BCL2L1: variants seen among roughly 807,000 people sequenced by gnomAD.
The protein encoded by BCL2L1 is BCL2 like 1, also known as bcl-2-like protein 1.
Under a neutral mutation model 18.7 loss-of-function variants are expected in BCL2L1, and 1 was observed. The observed-to-expected ratio is 0.05, with a 90% confidence interval of 0.02 to 0.25. The LOEUF (loss-of-function observed/expected upper bound fraction) is 0.25. Among genes scored for constraint, BCL2L1 ranks in the 10% least tolerant of loss-of-function variants. The pLI is 1.00. For synonymous variants in BCL2L1, 103 were observed against 122.7 expected (o/e 0.84, Z 1.06); for missense variants, 207 against 304.9 (o/e 0.68, Z 2.39).
chr20:31,670,942 T>C (rs1230438549), intron 2 of BCL2L1, among the ~76,000 whole-genome samples: 2 of 152,156 alleles, frequency 1.3e-5, no homozygotes, highest in Non-Finnish European at 2.9e-5. Flanking sequence ...CTACTGCACC[T>C]TGGGTGGCTC....
intron 2 of BCL2L1, among the ~76,000 whole-genome samples, chr20:31,697,680 G>T (rs2061198338): frequency 6.6e-6 from 1 of 151,984 alleles, no homozygotes; most frequent in African/African-American, 2.4e-5. Flanking sequence ...CTCATGATCT[G>T]CCCACCTCAT....
chr20:31,672,970 G>T (rs1344993375), intron 2 of BCL2L1, among the ~76,000 whole-genome samples: 1 of 151,710 alleles, frequency 6.6e-6, no homozygotes, highest in Non-Finnish European at 1.5e-5. Context: ...AAAGTACTGG[G>T]ATTATAGGCA....
chr20:31,693,480 G>C (rs2061117654), intron 2 of BCL2L1, among the ~76,000 whole-genome samples: 1 of 151,988 alleles, frequency 6.6e-6, no homozygotes, highest in Non-Finnish European at 1.5e-5. Context: ...ATGGATGGTG[G>C]GGTAGCTGTG....
intron 2 of BCL2L1, among the ~76,000 whole-genome samples, chr20:31,683,769 C>CAAAAAAAAAAAA (rs372160646): frequency 1.2e-5 from 1 of 80,716 alleles, no homozygotes; most frequent in Non-Finnish European, 2.9e-5. Flanking sequence ...AACTCCATCT[C>CAAAAAAAAAAAA]AAAAAAAAAA....
At chr20:31,720,409 T>C in intron 2 of BCL2L1, 1 of 552,288 alleles carries the variant, frequency 1.8e-6, no homozygotes, top group Non-Finnish European at 2.3e-6. Context: ...TTGATGCTTT[T>C]CTGCATACTC....
chr20:31,674,949 A>G (rs1168771576), intron 2 of BCL2L1, among the ~76,000 whole-genome samples: 1 of 151,502 alleles, frequency 6.6e-6, no homozygotes, highest in Non-Finnish European at 1.5e-5. Flanking sequence ...ATTCTGAGCC[A>G]GGGCCATGGC....
intron 2 of BCL2L1, among the ~76,000 whole-genome samples, chr20:31,681,275 C>T (rs1049161060): frequency 1.3e-5 from 2 of 151,312 alleles, no homozygotes; most frequent in Admixed American, 1.3e-4. Context: ...GTGAGATAAT[C>T]AGGAAAATAT....
rs916559484 is a variant in BCL2L1, at chr20:31,713,353, G to A, written c.564+8302C>T. 3 of 985,236 alleles carry A rather than the reference G, an allele frequency of 3.0e-6. No homozygotes were observed. The African/African-American group carries it at 5.2e-5, about 17-fold the overall frequency. The allele number at this position is 985,236 out of a possible 1,614,324, so 61.0% of individuals were successfully genotyped here. A position where few individuals can be genotyped will look rare whatever the true frequency, so the allele number is the denominator to read the frequency against. ...AAGGGTAGGGAGCAAAGAAAGTAAT[G>A]GACAAGAGGAAAGGCAGGGACACGT... On this transcript the variant is annotated intron_variant, in intron 2 of 2. Transcript: ENST00000307677.
chr20:31,695,458 G>A (rs1313666736), intron 2 of BCL2L1, among the ~76,000 whole-genome samples: 2 of 152,084 alleles, frequency 1.3e-5, no homozygotes, highest in Non-Finnish European at 2.9e-5. Context: ...GTCTTTTTTT[G>A]TACTTGCTTT....
chr20:31,723,956 G>T (rs1481759926), upstream of BCL2L1: 1 of 985,338 alleles, frequency 1.0e-6, no homozygotes, highest in Non-Finnish European at 1.2e-6. Context: ...CACTTCCGGT[G>T]CCGCGGCAAC....
intron 2 of BCL2L1, among the ~76,000 whole-genome samples, chr20:31,697,892 G>GTTTTTTTTTTTTTGTTAGTTTT (rs1319361227): frequency 7.7e-6 from 1 of 129,640 alleles, no homozygotes; most frequent in African/African-American, 3.3e-5. Context: ...TGCTGTTGCT[G>GTTTTTTTTTTTTTGTTAGTTTT]TTTTTTTTTT....
At chr20:31,668,874 G>C (rs2060626624) in intron 2 of BCL2L1, among the ~76,000 whole-genome samples, 1 of 151,916 alleles carries the variant, frequency 6.6e-6, no homozygotes, top group African/African-American at 2.4e-5. Flanking sequence ...CAAAGTGCTG[G>C]GATTACAGGC....
chr20:31,681,187 A>G (rs2060854174), intron 2 of BCL2L1, among the ~76,000 whole-genome samples: 4 of 152,212 alleles, frequency 2.6e-5, no homozygotes. Context: ...TAGGGTTTTG[A>G]GCAGGGGAAG....
intron 2 of BCL2L1, among the ~76,000 whole-genome samples, chr20:31,676,807 C>T (rs1209887204): frequency 2.0e-5 from 3 of 152,130 alleles, no homozygotes; most frequent in African/African-American, 2.4e-5. Context: ...GTAGTCATCT[C>T]GAGGGCATTC....
chr20:31,719,279 TC>T (rs2061586459), intron 2 of BCL2L1, among the ~76,000 whole-genome samples: 1 of 152,096 alleles, frequency 6.6e-6, no homozygotes, highest in Admixed American at 6.5e-5. Context: ...CTAATTTCCT[TC>T]CCCTTTCCTG....
chr20:31,668,840 G>A (rs976871269), intron 2 of BCL2L1, among the ~76,000 whole-genome samples: 6 of 148,718 alleles, frequency 4.0e-5, no homozygotes, highest in African/African-American at 1.5e-4. Context: ...CCTGACCTCA[G>A]GTGATCTGCT....
At position 31,722,249 on chromosome 20, in the gene BCL2L1, A is replaced by T; in HGVS notation, c.-31T>A. 1 of 1,446,194 alleles carries T rather than the reference A, an allele frequency of 6.9e-7. No individual in the cohort carries two copies. Among genetic ancestry groups the T allele is most frequent in the Non-Finnish European group, 9.2e-7 (1 of 1,092,826 alleles). 89.6% of individuals were successfully genotyped at this position (1,446,194 alleles called of 1,614,324 possible). A position where few individuals can be genotyped will look rare whatever the true frequency, so the allele number is the denominator to read the frequency against. On this transcript the variant is annotated 5_prime_UTR_variant, in exon 2 of 3. The change abolishes an upstream ATG in the 5' untranslated region. Coordinates refer to ENST00000307677, the MANE Select transcript of BCL2L1 (RefSeq NM_138578.3). ...TAATAGGGATGGGCTCAACCAGTCC[A>T]TTGTCCAAAACACCTGCTCACTCAC... is the stretch of plus-strand genomic sequence containing the variant.
chr20:31,668,873 G>A (rs1253104763), intron 2 of BCL2L1, among the ~76,000 whole-genome samples: 1 of 151,982 alleles, frequency 6.6e-6, no homozygotes, highest in Non-Finnish European at 1.5e-5. Flanking sequence ...CCAAAGTGCT[G>A]GGATTACAGG....
chr20:31,674,643 G>A (rs564759931), intron 2 of BCL2L1, among the ~76,000 whole-genome samples: 2 of 152,230 alleles, frequency 1.3e-5, no homozygotes, highest in Admixed American at 1.3e-4. Context: ...TTCAAGGTGG[G>A]CAGACTGTTT....
Sources: allele counts gnomAD v4.1 joint callset (sites outside exome capture counted in the v4.1 genomes callset), GRCh38; gene constraint gnomAD v4.1.1; transcripts MANE v1.5; gene names NCBI Gene and HGNC (gene_info 2026-07-23, HGNC 2026-07-21).